Variants in KHDC1 observed in about 807,000 individuals in gnomAD.
KHDC1 encodes the protein KH homology domain-containing protein 1.
KHDC1 carries 21 observed loss-of-function variants against 24.7 expected under a neutral mutation model. That is an observed-to-expected ratio of 0.85 (90% CI 0.60 to 1.23). The LOEUF (loss-of-function observed/expected upper bound fraction) is 1.23, where lower values mean the gene tolerates loss of function less well. Among genes scored for constraint, KHDC1 ranks in the 50% most tolerant of loss-of-function variants. The probability of loss-of-function intolerance (pLI) is 0.00; values close to 1 mark genes in which losing one functional copy is unlikely to be tolerated. For missense variants in KHDC1, 274 were observed against 298.5 expected (o/e 0.92, Z 0.61); for synonymous variants, 98 against 111.7 (o/e 0.88, Z 0.77).
At chr6:73,273,016 G>A (rs1316921851) in intron 2 of KHDC1, among the ~76,000 whole-genome samples, 7 of 150,034 alleles carry the variant, frequency 4.7e-5, no homozygotes, top group Admixed American at 3.3e-4. Context: ...GTGCCACCAC[G>A]CCTGGCTAAT....
intron 2 of KHDC1, among the ~76,000 whole-genome samples, chr6:73,272,483 G>A (rs1304889229): frequency 2.0e-5 from 3 of 151,724 alleles, no homozygotes; most frequent in Non-Finnish European, 4.4e-5. Flanking sequence ...GAAGGAAAAA[G>A]CCAGGTAGAA....
intron 1 of KHDC1, among the ~76,000 whole-genome samples, chr6:73,301,638 T>G (rs1767877933): frequency 2.0e-5 from 3 of 152,154 alleles, no homozygotes; most frequent in South Asian, 2.1e-4. Flanking sequence ...TTTTTAAATT[T>G]TTTTTTTCTT....
chr6:73,272,334 T>C (rs571092712), intron 2 of KHDC1, among the ~76,000 whole-genome samples: 2 of 151,482 alleles, frequency 1.3e-5, no homozygotes, highest in African/African-American at 2.4e-5. Flanking sequence ...GGTTTCACCA[T>C]GTTGTCTAAG....
chr6:73,298,528 C>A (rs972385641), intron 1 of KHDC1, among the ~76,000 whole-genome samples: 1 of 138,904 alleles, frequency 7.2e-6, no homozygotes, highest in South Asian at 2.4e-4. Flanking sequence ...CTCCGCCTCC[C>A]GGGTTCAAGC....
intron 2 of KHDC1, among the ~76,000 whole-genome samples, chr6:73,277,562 T>A (rs1227789038): frequency 6.6e-6 from 1 of 152,236 alleles, no homozygotes; most frequent in East Asian, 1.9e-4. Flanking sequence ...CTTTAAAATA[T>A]CGCTTGGGCC....
At chr6:73,259,588 T>G (rs768454499) in intron 2 of KHDC1, among the ~76,000 whole-genome samples, 1 of 152,318 alleles carries the variant, frequency 6.6e-6, no homozygotes, top group South Asian at 2.1e-4. Context: ...AAGCCAAGGA[T>G]AGATCGAAGG....
chr6:73,249,845 G>A (rs1249923497), intron 2 of KHDC1, among the ~76,000 whole-genome samples: 1 of 152,076 alleles, frequency 6.6e-6, no homozygotes, highest in Non-Finnish European at 1.5e-5. Flanking sequence ...AAACTCCTGG[G>A]CTCAAGTGAT....
At chr6:73,255,066 G>A (rs1766857193) in intron 2 of KHDC1, among the ~76,000 whole-genome samples, 1 of 151,428 alleles carries the variant, frequency 6.6e-6, no homozygotes, top group South Asian at 2.1e-4. Context: ...CTGACAGACA[G>A]GACTTGGAGA....
At chr6:73,253,561 A>AT (rs1766822818) in intron 2 of KHDC1, among the ~76,000 whole-genome samples, 1 of 151,806 alleles carries the variant, frequency 6.6e-6, no homozygotes, top group Admixed American at 6.6e-5. Context: ...TCAAAAAAAA[A>AT]AATAAATAAA....
At chr6:73,287,073 T>C (rs1338636780) in intron 2 of KHDC1, among the ~76,000 whole-genome samples, 4 of 151,960 alleles carry the variant, frequency 2.6e-5, no homozygotes, top group Non-Finnish European at 5.9e-5. Context: ...GAAAAGTGAG[T>C]ATGCTATAGA....
chr6:73,256,523 G>A (rs1359748778), intron 2 of KHDC1, among the ~76,000 whole-genome samples: 2 of 152,210 alleles, frequency 1.3e-5, no homozygotes, highest in Non-Finnish European at 2.9e-5. Flanking sequence ...AGAAAAAGCA[G>A]CAGGATAGAA....
chr6:73,276,714 T>TA (rs756974959), intron 2 of KHDC1, among the ~76,000 whole-genome samples: 38 of 152,290 alleles, frequency 2.5e-4, no homozygotes, highest in Admixed American at 1.4e-3. Context: ...TGCAGTGGGA[T>TA]AAAACTGTCC....
chr6:73,249,918 T>G (rs943655650), intron 2 of KHDC1, among the ~76,000 whole-genome samples: 1 of 152,126 alleles, frequency 6.6e-6, no homozygotes, highest in Admixed American at 6.6e-5. Flanking sequence ...CCCAGCCTGA[T>G]GGTAGAGTAC....
At chr6:73,246,664 A>G (rs927318950) in intron 2 of KHDC1, among the ~76,000 whole-genome samples, 2 of 152,224 alleles carry the variant, frequency 1.3e-5, no homozygotes, top group African/African-American at 4.8e-5. Context: ...ATAAACAAGA[A>G]GATTTTTTAA....
chr6:73,251,971 T>C (rs1766785025), intron 2 of KHDC1, among the ~76,000 whole-genome samples: 2 of 151,680 alleles, frequency 1.3e-5, no homozygotes, highest in South Asian at 4.2e-4. Flanking sequence ...AATTGGCCCA[T>C]ATCAGCCTCC....
chr6:73,266,490 G>T (rs1767079971), intron 2 of KHDC1, among the ~76,000 whole-genome samples: 1 of 152,190 alleles, frequency 6.6e-6, no homozygotes, highest in African/African-American at 2.4e-5. Flanking sequence ...AAGTCCTCCT[G>T]TGTTTCAACA....
At chr6:73,271,423 G>C (rs981039931) in intron 2 of KHDC1, among the ~76,000 whole-genome samples, 3 of 151,006 alleles carry the variant, frequency 2.0e-5, no homozygotes, top group Non-Finnish European at 4.4e-5. Flanking sequence ...TGGCCAGGCT[G>C]GTCTTGAACT....
intron 1 of KHDC1, among the ~76,000 whole-genome samples, chr6:73,295,426 G>A (rs1767739799): frequency 6.6e-6 from 1 of 152,176 alleles, no homozygotes; most frequent in Admixed American, 6.5e-5. Context: ...TCTAGGTCGG[G>A]CACAGTGGCT....
intron 2 of KHDC1, among the ~76,000 whole-genome samples, chr6:73,287,431 G>T (rs1255534634): frequency 1.3e-5 from 2 of 152,160 alleles, no homozygotes; most frequent in Non-Finnish European, 2.9e-5. Context: ...GCCAACAAGG[G>T]TACTATTCAA....
Sources: gnomAD v4.1 joint callset for allele counts (sites outside exome capture counted in the v4.1 genomes callset) on GRCh38, gnomAD v4.1.1 for gene constraint, MANE v1.5 for transcripts, NCBI Gene and HGNC (gene_info 2026-07-23, HGNC 2026-07-21) for gene names.